Variants in PAK3 observed in about 807,000 individuals in gnomAD.
PAK3 encodes the protein p21 (RAC1) activated kinase 3, also known as serine/threonine-protein kinase PAK 3.
A neutral mutation model predicts 41.0 loss-of-function variants in PAK3; 4 were observed. The observed-to-expected ratio is 0.10, with a 90% CI of 0.05 to 0.22. PAK3 has a LOEUF of 0.22. Ranked by LOEUF, PAK3 falls within the 10% of genes least tolerant of loss-of-function variation. PAK3 has a pLI of 1.00. For synonymous variants in PAK3, 146 were observed against 139.6 expected (o/e 1.05, Z -0.32); for missense variants, 205 against 409.9 (o/e 0.50, Z 4.32).
intron 1 of PAK3, among the ~76,000 whole-genome samples, chrX:110,953,505 C>T (rs1403569935): frequency 2.7e-5 from 3 of 112,399 alleles, no homozygotes; most frequent in Admixed American, 9.4e-5. Context: ...CCCACCTCAA[C>T]CAGTTGAATC....
intron 1 of PAK3, among the ~76,000 whole-genome samples, chrX:110,961,936 G>A (rs763603871): frequency 8.9e-6 from 1 of 112,233 alleles, no homozygotes; most frequent in Admixed American, 9.4e-5. Context: ...GATTCCATGA[G>A]AGTATTTTCT....
At chrX:111,153,917 G>T (rs1441437745) in intron 8 of PAK3, among the ~76,000 whole-genome samples, 1 of 111,269 alleles carries the variant, frequency 9.0e-6, no homozygotes, top group African/African-American at 3.3e-5. Flanking sequence ...CAGATGAAGG[G>T]GTAAACAAAA....
intron 1 of PAK3, among the ~76,000 whole-genome samples, chrX:111,003,467 A>G (rs750153982): frequency 1.1e-4 from 12 of 111,229 alleles, no homozygotes; most frequent in African/African-American, 3.9e-4. Context: ...ATCCACCTCT[A>G]CCACTCCTTG....
chrX:111,211,674 CAA>C (rs200390666), intron 16 of PAK3, among the ~76,000 whole-genome samples: 17 of 55,102 alleles, frequency 3.1e-4, no homozygotes, highest in Non-Finnish European at 3.3e-4. Context: ...GACTTTGTCT[CAA>C]AAAAAAAAAA....
At chrX:111,151,874 A>G (rs1237428288) in intron 7 of PAK3, among the ~76,000 whole-genome samples, 4 of 112,054 alleles carry the variant, frequency 3.6e-5, no homozygotes, top group Non-Finnish European at 5.6e-5. Context: ...CTATTAAGTG[A>G]CTAATAGGCT....
At chrX:110,964,881 T>TGCTG (rs1481241999) in intron 1 of PAK3, among the ~76,000 whole-genome samples, 3 of 111,128 alleles carry the variant, frequency 2.7e-5, no homozygotes, top group South Asian at 3.9e-4. Context: ...CTGGCTGGCT[T>TGCTG]GCTGGCTGGC....
At chrX:110,973,841 T>C (rs1426174740) in intron 1 of PAK3, among the ~76,000 whole-genome samples, 1 of 111,614 alleles carries the variant, frequency 9.0e-6, no homozygotes, top group African/African-American at 3.3e-5. Flanking sequence ...AAGATGCACA[T>C]AGGCTCAAAA....
chrX:111,002,857 G>A (rs1407154650), intron 1 of PAK3, among the ~76,000 whole-genome samples: 4 of 111,310 alleles, frequency 3.6e-5, no homozygotes, highest in Admixed American at 1.9e-4. Context: ...TCAGAAAGAA[G>A]GCATCTCCTT....
upstream of PAK3, among the ~76,000 whole-genome samples, chrX:111,092,383 AAC>A (rs1261625931): frequency 9.0e-6 from 1 of 111,695 alleles, no homozygotes; most frequent in African/African-American, 3.3e-5. Flanking sequence ...TAGCAGTTAA[AAC>A]ACACACATAC....
chrX:111,125,424 T>C (rs1391223160), intron 5 of PAK3, among the ~76,000 whole-genome samples: 2 of 111,432 alleles, frequency 1.8e-5, no homozygotes, highest in Non-Finnish European at 3.8e-5. Context: ...CAGGAAGCTT[T>C]CTTGTCTCCA....
At chrX:111,047,384 A>C (rs1227593040) in intron 1 of PAK3, among the ~76,000 whole-genome samples, 1 of 111,318 alleles carries the variant, frequency 9.0e-6, no homozygotes, top group Non-Finnish European at 1.9e-5. Context: ...TGGGAAGACT[A>C]TATAAATGCC....
At chrX:111,113,924 C>T (rs2093418898) in intron 4 of PAK3, among the ~76,000 whole-genome samples, 1 of 111,783 alleles carries the variant, frequency 8.9e-6, no homozygotes, top group African/African-American at 3.3e-5. Context: ...TGGTTTCCAG[C>T]TTCATCTGTG....
chrX:110,955,960 C>A (rs1439825106), intron 1 of PAK3, among the ~76,000 whole-genome samples: 1 of 112,207 alleles, frequency 8.9e-6, no homozygotes, highest in Non-Finnish European at 1.9e-5. Flanking sequence ...TAAGTCCCTG[C>A]TCTGCCTTCT....
chrX:111,074,625 T>C (rs1312926613), intron 1 of PAK3, among the ~76,000 whole-genome samples: 1 of 112,161 alleles, frequency 8.9e-6, no homozygotes, highest in African/African-American at 3.2e-5. Flanking sequence ...TACAGAAATT[T>C]GATACCAAGG....
chrX:111,120,835 G>T (rs2093556648), intron 4 of PAK3, among the ~76,000 whole-genome samples: 1 of 111,534 alleles, frequency 9.0e-6, no homozygotes, highest in Non-Finnish European at 1.9e-5. Flanking sequence ...CTTCATATTT[G>T]CACATAGTTT....
intron 1 of PAK3, among the ~76,000 whole-genome samples, chrX:110,956,652 C>T (rs1027610766): frequency 9.0e-6 from 1 of 111,221 alleles, no homozygotes; most frequent in African/African-American, 3.3e-5. Context: ...CAAAGCAGAC[C>T]CTGCTTTACG....
rs1012403704 is a variant in PAK3, at chrX:111,226,890, A to G, written c.*6443A>G. On this transcript the variant is annotated 3_prime_UTR_variant, in exon 18 of 18. Transcript: ENST00000372007. ...TAGCTACTAATGCATTGAGTTTTTA[A>G]TCTCAGTACATCAGCCAGGAGGAGC... 3.6e-5 allele frequency: 4 copies of G among 112,362 alleles called. No individual in the cohort carries two copies. Among genetic ancestry groups the G allele is most frequent in the African/African-American group, 1.3e-4 (4 of 30,946 alleles). 9.3% of individuals were successfully genotyped at this position (112,362 alleles called of 1,213,427 possible).
At chrX:110,945,685 C>T (rs1056373741) in intron 1 of PAK3, among the ~76,000 whole-genome samples, 1 of 111,672 alleles carries the variant, frequency 9.0e-6, no homozygotes, top group Admixed American at 9.5e-5. Flanking sequence ...CTAAAAAGAA[C>T]AAACTAAATG....
chrX:111,111,539 T>C (rs1351869356), intron 4 of PAK3, among the ~76,000 whole-genome samples: 1 of 112,289 alleles, frequency 8.9e-6, no homozygotes, highest in East Asian at 2.8e-4. Context: ...AAAAATATTA[T>C]AATAATTTGT....
Sources: gnomAD v4.1 joint callset for allele counts (sites outside exome capture counted in the v4.1 genomes callset) on GRCh38, gnomAD v4.1.1 for gene constraint, MANE v1.5 for transcripts, NCBI Gene and HGNC (gene_info 2026-07-23, HGNC 2026-07-21) for gene names.